TMTC2: variants seen among roughly 807,000 people sequenced by gnomAD.
TMTC2 encodes the protein protein O-mannosyl-transferase TMTC2.
TMTC2 carries 43 observed loss-of-function variants against 82.4 expected under a neutral mutation model. The ratio of observed to expected loss-of-function variants is 0.52; its 90% CI spans 0.41 to 0.67. The LOEUF (loss-of-function observed/expected upper bound fraction) is 0.67, where lower values mean the gene tolerates loss of function less well. TMTC2 is among the 30% of genes least tolerant of loss of function. The pLI, the probability that TMTC2 is intolerant of heterozygous loss-of-function variation, is 0.00. For synonymous variants in TMTC2, 408 were observed against 381.9 expected (o/e 1.07, Z -0.80); for missense variants, 919 against 1,012.4 (o/e 0.91, Z 1.25).
At chr12:82,997,789 C>T (rs955279367) in intron 8 of TMTC2, among the ~76,000 whole-genome samples, 12 of 151,726 alleles carry the variant, frequency 7.9e-5, no homozygotes, top group Non-Finnish European at 8.8e-5. Flanking sequence ...AAAAAAAAAT[C>T]CAGTAGCCAA....
At chr12:83,132,177 T>C in intron 11 of TMTC2, 33 bp from the exon 12 acceptor site, 1 of 1,561,798 alleles carries the variant, frequency 6.4e-7, no homozygotes, top group South Asian at 1.2e-5. Context: ...TGAAATGGCC[T>C]CCTAATTGTT....
chr12:82,904,809 T>C (rs1874201815), intron 3 of TMTC2, among the ~76,000 whole-genome samples: 1 of 152,168 alleles, frequency 6.6e-6, no homozygotes, highest in Non-Finnish European at 1.5e-5. Context: ...TGGCCTCCTC[T>C]AAATCCCCAT....
At chr12:82,708,054 T>A (rs1468637058) in intron 1 of TMTC2, among the ~76,000 whole-genome samples, 1 of 152,200 alleles carries the variant, frequency 6.6e-6, no homozygotes, top group East Asian at 1.9e-4. Flanking sequence ...GCAGTCTGTT[T>A]TTTTAAACCA....
At chr12:82,865,769 C>G (rs1871814790) in intron 2 of TMTC2, among the ~76,000 whole-genome samples, 1 of 152,162 alleles carries the variant, frequency 6.6e-6, no homozygotes, top group Non-Finnish European at 1.5e-5. Context: ...AAGTAAAGCA[C>G]TCCTCAGCAA....
chr12:82,803,720 C>G (rs1192482670), intron 1 of TMTC2, among the ~76,000 whole-genome samples: 1 of 152,068 alleles, frequency 6.6e-6, no homozygotes, highest in East Asian at 1.9e-4. Flanking sequence ...ACCAGGCATG[C>G]AGGCAGCCCA....
chr12:83,128,990 G>A (rs899093626), intron 11 of TMTC2, among the ~76,000 whole-genome samples: 1 of 152,090 alleles, frequency 6.6e-6, no homozygotes, highest in South Asian at 2.1e-4. Flanking sequence ...TATCTAGGGC[G>A]ATGATACTTA....
chr12:83,114,474 A>G (rs577544401), intron 11 of TMTC2, among the ~76,000 whole-genome samples: 1 of 152,316 alleles, frequency 6.6e-6, no homozygotes, highest in East Asian at 1.9e-4. Flanking sequence ...AGCAGCCTGA[A>G]CTGACTGGGA....
chr12:82,763,839 G>A lies in TMTC2; in HGVS notation c.83+76170G>A, dbSNP rs575955631. On this transcript the variant is annotated intron_variant, in intron 1 of 11. Transcript: ENST00000321196. Reference sequence around the variant, plus strand: ...CCAAGGGACAAATACTCTTGTCATGGAAAATGTTTCAGAGAACGTAATAGC... The same window carrying A: ...CCAAGGGACAAATACTCTTGTCATGAAAAATGTTTCAGAGAACGTAATAGC... Among the ~76,000 whole-genome samples the A allele has an allele frequency of 3.9e-5, 6 of 152,080 alleles. No individual in the cohort carries two copies. In the South Asian group the frequency reaches 1.3e-3, roughly 32 times the overall value.
chr12:82,952,415 T>C (rs991955810), intron 4 of TMTC2, among the ~76,000 whole-genome samples: 1 of 152,182 alleles, frequency 6.6e-6, no homozygotes, highest in African/African-American at 2.4e-5. Flanking sequence ...ACTCATACTT[T>C]GTATTTATTT....
At chr12:82,947,744 T>G (rs1877104717) in intron 4 of TMTC2, among the ~76,000 whole-genome samples, 2 of 152,116 alleles carry the variant, frequency 1.3e-5, no homozygotes, top group African/African-American at 4.8e-5. Context: ...TAAAGAAAAG[T>G]CAAGGGAAAT....
chr12:82,786,391 A>G (rs557727674), intron 1 of TMTC2, among the ~76,000 whole-genome samples: 2 of 152,196 alleles, frequency 1.3e-5, no homozygotes, highest in South Asian at 2.1e-4. Context: ...ATGTTGCCCA[A>G]TAAATTGTAA....
chr12:82,763,427 C>T (rs977826590), intron 1 of TMTC2, among the ~76,000 whole-genome samples: 3 of 152,160 alleles, frequency 2.0e-5, no homozygotes, highest in African/African-American at 7.2e-5. Context: ...CCAGGACTGT[C>T]CACTTAAAAC....
chr12:82,925,081 T>C (rs931857325), intron 3 of TMTC2, among the ~76,000 whole-genome samples: 1 of 152,192 alleles, frequency 6.6e-6, no homozygotes, highest in African/African-American at 2.4e-5. Context: ...GCATCAGCAG[T>C]CCTTGCCAGG....
intron 9 of TMTC2, among the ~76,000 whole-genome samples, chr12:83,041,525 A>G (rs1341322048): frequency 6.6e-6 from 1 of 152,186 alleles, no homozygotes; most frequent in Admixed American, 6.5e-5. Flanking sequence ...ATCCTGGAGA[A>G]TGATTAAAAA....
At chr12:83,061,442 T>A (rs1163869799) in intron 10 of TMTC2, among the ~76,000 whole-genome samples, 1 of 151,750 alleles carries the variant, frequency 6.6e-6, no homozygotes, top group Non-Finnish European at 1.5e-5. Flanking sequence ...TTTTCTGGGG[T>A]ATCATGTTGA....
chr12:82,756,543 A>G (rs563129159), intron 1 of TMTC2, among the ~76,000 whole-genome samples: 2 of 152,324 alleles, frequency 1.3e-5, no homozygotes, highest in South Asian at 2.1e-4. Flanking sequence ...AGGAATATAC[A>G]GACCTCCTTC....
intron 3 of TMTC2, among the ~76,000 whole-genome samples, chr12:82,921,827 G>C (rs530032423): frequency 2.6e-5 from 4 of 152,162 alleles, no homozygotes; most frequent in Admixed American, 6.6e-5. Context: ...GCTGGGTGCA[G>C]TGACTCATTC....
intron 11 of TMTC2, among the ~76,000 whole-genome samples, chr12:83,101,288 C>T (rs1188168267): frequency 6.6e-6 from 1 of 152,102 alleles, no homozygotes; most frequent in Non-Finnish European, 1.5e-5. Flanking sequence ...TGTGTTTCTT[C>T]AAGTAAGTAT....
At chr12:83,095,387 C>G (rs931719610) in intron 11 of TMTC2, among the ~76,000 whole-genome samples, 1 of 151,952 alleles carries the variant, frequency 6.6e-6, no homozygotes, top group Non-Finnish European at 1.5e-5. Context: ...ACTACAGGTG[C>G]CCGCCACCAT....
Sources: gnomAD v4.1 joint callset for allele counts (sites outside exome capture counted in the v4.1 genomes callset) on GRCh38, gnomAD v4.1.1 for gene constraint, MANE v1.5 for transcripts, NCBI Gene and HGNC (gene_info 2026-07-23, HGNC 2026-07-21) for gene names.